The following IMPG2 variants were observed in gnomAD, a reference collection of about 807,000 sequenced individuals.
IMPG2 encodes the protein IPM 200.
In IMPG2, 91 loss-of-function variants were observed where a neutral mutation model predicts 129.2. The ratio of observed to expected loss-of-function variants is 0.70; its 90% CI spans 0.59 to 0.84. The LOEUF is 0.84. IMPG2 is among the 40% of genes least tolerant of loss of function. IMPG2 has a pLI of 0.00. For missense variants in IMPG2, 1,430 were observed against 1,461.7 expected (o/e 0.98, Z 0.35); for synonymous variants, 510 against 517.7 (o/e 0.99, Z 0.20).
At chr3:101,266,057 C>T (rs192370787) in intron 9 of IMPG2, among the ~76,000 whole-genome samples, 92 of 152,196 alleles carry the variant, frequency 6.0e-4, no homozygotes, top group African/African-American at 1.9e-3. Context: ...ATAGCAAATG[C>T]TAGTGAGGAT....
intron 17 of IMPG2, 74 bp downstream of exon 17, chr3:101,229,306 A>ACCCCCCCCCCCCCCCC: frequency 8.3e-6 from 3 of 362,594 alleles, no homozygotes; most frequent in Non-Finnish European, 1.7e-5. Flanking sequence ...ACACACCCCC[A>ACCCCCCCCCCCCCCCC]CCCACCACCC....
chr3:101,259,776 T>G (rs1706650430), intron 9 of IMPG2, among the ~76,000 whole-genome samples: 1 of 152,046 alleles, frequency 6.6e-6, no homozygotes, highest in Admixed American at 6.6e-5. Flanking sequence ...GATCCCTAGA[T>G]TGGAGATGGC....
intron 14 of IMPG2, among the ~76,000 whole-genome samples, chr3:101,236,149 G>A (rs1291311719): frequency 6.6e-6 from 1 of 152,198 alleles, no homozygotes; most frequent in Non-Finnish European, 1.5e-5. Flanking sequence ...CACCACAAGA[G>A]TCAAGACTCC....
chr3:101,291,487 A>G lies in IMPG2; in HGVS notation c.525T>C (p.Thr175=), dbSNP rs766687575. 30 of 1,613,160 alleles carry G rather than the reference A, an allele frequency of 1.9e-5. No homozygotes were observed. In the East Asian group the frequency reaches 6.5e-4, roughly 35 times the overall value. The change falls in exon 4 of 19, where the codon ACT becomes ACC. Residue 175 remains threonine (T), a synonymous_variant. Coordinates refer to ENST00000193391, the MANE Select transcript of IMPG2 (RefSeq NM_016247.4). ...IMKKLTYAKE[T]VSSSELSSPV... is the part of the protein sequence containing the mutation. ...GAAAAAGAGACACTCACCTGCTTAC[A>G]GTTTCCTTTGCATAAGTCAGTTTCT... is the stretch of plus-strand genomic sequence containing the variant.
chr3:101,271,174 A>T (rs562191854), intron 7 of IMPG2, among the ~76,000 whole-genome samples: 1 of 152,302 alleles, frequency 6.6e-6, no homozygotes, highest in South Asian at 2.1e-4. Flanking sequence ...CAGGACTAGA[A>T]ATCAGAAGGC....
intron 9 of IMPG2, among the ~76,000 whole-genome samples, chr3:101,259,841 T>C (rs1304118387): frequency 6.6e-6 from 1 of 152,096 alleles, no homozygotes; most frequent in Non-Finnish European, 1.5e-5. Flanking sequence ...TCCAACTTCC[T>C]CTTTTTGATT....
intron 8 of IMPG2, among the ~76,000 whole-genome samples, chr3:101,268,980 A>C (rs1389634627): frequency 6.6e-6 from 1 of 152,242 alleles, no homozygotes; most frequent in African/African-American, 2.4e-5. Flanking sequence ...TGGCATACCC[A>C]ACACAAAGTA....
chr3:101,233,262 G>T (rs1358793274), intron 14 of IMPG2, among the ~76,000 whole-genome samples: 1 of 152,192 alleles, frequency 6.6e-6, no homozygotes, highest in Non-Finnish European at 1.5e-5. Context: ...GGAGCATGTA[G>T]AAGCTTTAGA....
rs1022848219 is a variant in IMPG2 at position 101,246,657 on chromosome 3, A to G, written c.1240-552T>C. Among the ~76,000 whole-genome samples, 5 of 152,232 alleles carry G rather than the reference A, an allele frequency of 3.3e-5. No individual in the cohort carries two copies. In the South Asian group the frequency reaches 1.0e-3, roughly 31 times the overall value. On this transcript the variant is annotated intron_variant, in intron 11 of 18. Transcript: ENST00000193391. The stretch of plus-strand genomic sequence containing the variant: ...ACTCCTGTGAAATGGTATCACACTT[A>G]GGAAACATTAACAATTTCCTCTTTC...
At chr3:101,263,169 C>G (rs1706688305) in intron 9 of IMPG2, among the ~76,000 whole-genome samples, 1 of 151,938 alleles carries the variant, frequency 6.6e-6, no homozygotes, top group Non-Finnish European at 1.5e-5. Flanking sequence ...CAAAGGAACA[C>G]CAGATTTAAA....
chr3:101,255,053 T>C (rs1374708250), intron 10 of IMPG2, among the ~76,000 whole-genome samples: 2 of 152,034 alleles, frequency 1.3e-5, no homozygotes, highest in African/African-American at 4.8e-5. Context: ...CCTGAGGCCT[T>C]CCAGCCATGC....
At position 101,226,916 on chromosome 3, in the gene IMPG2, A is replaced by T; in HGVS notation, c.*53T>A. 2 of 1,579,384 alleles carry T rather than the reference A, an allele frequency of 1.3e-6. No homozygotes were observed. The highest frequency in any genetic ancestry group is 1.7e-6 in the Non-Finnish European group (2 of 1,148,930). On this transcript the variant is annotated 3_prime_UTR_variant, in exon 19 of 19. Transcript: ENST00000193391. ...GGTTAATTATATGACATAAGTAACA[A>T]GTAATCTCCATCTTCTCCAGGCTTC... is the stretch of plus-strand genomic sequence containing the variant.
chr3:101,269,629 G>A lies in IMPG2; in HGVS notation c.829-56C>T, dbSNP rs1706758101. The A allele has an allele frequency of 5.0e-6, 5 of 1,005,738 alleles. No homozygotes were observed. The South Asian group carries it at 5.3e-5, about 11-fold the overall frequency. The allele number at this position is 1,005,738 out of a possible 1,614,324, so 62.3% of individuals were successfully genotyped here. On this transcript the variant is annotated intron_variant, in intron 7 of 18. Coordinates refer to ENST00000193391, the MANE Select transcript of IMPG2 (RefSeq NM_016247.4). ...ATGTAAAAATATGGAAAAATATATA[G>A]AAAATAATGCTTTTAAGAGTAGAAT... is the stretch of plus-strand genomic sequence containing the variant.
rs2107203112 is a variant in IMPG2, at chr3:101,228,855, C to T, written c.3655G>A (p.Val1219Ile). 1 of 1,613,706 alleles carries T rather than the reference C, an allele frequency of 6.2e-7. No individual in the cohort carries two copies. Among genetic ancestry groups the T allele is most frequent in the East Asian group, 2.2e-5 (1 of 44,864 alleles). The change falls in exon 18 of 19, where the codon GTT becomes ATT. Residue 1219 changes from valine to isoleucine, a missense_variant. Transcript: ENST00000193391. ...GGATCATTGGCATACAGTTCCAAAACTCTCATTCTCTCTTGAATTTCCTTA... is the reference window on the plus strand; with the variant it reads ...GGATCATTGGCATACAGTTCCAAAATTCTCATTCTCTCTTGAATTTCCTTA... The part of the protein sequence containing the change: ...SREEIQERMR[V>I]LELYANDPEF...
chr3:101,273,477 GACAA>G (rs1434247871), intron 7 of IMPG2, 100 bp downstream of exon 7: 2 of 1,240,928 alleles, frequency 1.6e-6, no homozygotes, highest in Non-Finnish European at 2.3e-6. Flanking sequence ...GAACCAAGTA[GACAA>G]ACAATTTGAA....
At chr3:101,278,344 G>A (rs1706859567) in intron 4 of IMPG2, among the ~76,000 whole-genome samples, 1 of 152,144 alleles carries the variant, frequency 6.6e-6, no homozygotes. Flanking sequence ...GGTCTGTGAT[G>A]TGCCCAGTAA....
At chr3:101,280,854 C>T (rs542727505) in intron 4 of IMPG2, among the ~76,000 whole-genome samples, 1 of 151,820 alleles carries the variant, frequency 6.6e-6, no homozygotes, top group Non-Finnish European at 1.5e-5. Flanking sequence ...GAGGCTGAGG[C>T]AGGAGAATCG....
At chr3:101,316,762 T>C (rs1474089521) in intron 2 of IMPG2, among the ~76,000 whole-genome samples, 1 of 152,094 alleles carries the variant, frequency 6.6e-6, no homozygotes, top group Non-Finnish European at 1.5e-5. Context: ...AATGAAAATA[T>C]GTTCACAGAA....
chr3:101,247,952 C>A (rs112463771), intron 11 of IMPG2, among the ~76,000 whole-genome samples: 1 of 152,198 alleles, frequency 6.6e-6, no homozygotes, highest in African/African-American at 2.4e-5. Flanking sequence ...CCTCCTCCCC[C>A]TCCTCCAGGA....
Sources: gnomAD v4.1 joint callset for allele counts (sites outside exome capture counted in the v4.1 genomes callset) on GRCh38, gnomAD v4.1.1 for gene constraint, MANE v1.5 for transcripts, NCBI Gene and HGNC (gene_info 2026-07-23, HGNC 2026-07-21) for gene names.